TMEM163: variants seen among roughly 807,000 people sequenced by gnomAD.
TMEM163 encodes transmembrane protein 163.
In TMEM163, 17 loss-of-function variants were observed where a neutral mutation model predicts 29.3. That is an observed-to-expected ratio of 0.58 (90% CI 0.40 to 0.87). TMEM163 has a LOEUF of 0.87. TMEM163 is among the 40% of genes least tolerant of loss of function. The pLI is 0.00. For synonymous variants in TMEM163, 157 were observed against 160.6 expected (o/e 0.98, Z 0.17); for missense variants, 303 against 381.5 (o/e 0.79, Z 1.71).
chr2:134,630,655 G>T (rs931797865), intron 2 of TMEM163, among the ~76,000 whole-genome samples: 1 of 152,158 alleles, frequency 6.6e-6, no homozygotes, highest in Non-Finnish European at 1.5e-5. Context: ...TTGCTGAGGG[G>T]CTGAACAGGG....
chr2:134,698,848 T>C (rs1277041159), intron 2 of TMEM163, among the ~76,000 whole-genome samples: 1 of 152,218 alleles, frequency 6.6e-6, no homozygotes, highest in Non-Finnish European at 1.5e-5. Flanking sequence ...ATGCACATCC[T>C]TAGGAATGTG....
rs972163148 is a variant in TMEM163, at chr2:134,460,007, G to A, written c.668-1834C>T. 5.9e-5 allele frequency among the ~76,000 whole-genome samples: 9 copies of A among 151,928 alleles called. No individual in the cohort carries two copies. The highest frequency in any genetic ancestry group is 1.3e-4 in the Non-Finnish European group (9 of 67,982). On this transcript the variant is annotated intron_variant, in intron 6 of 7. Coordinates refer to ENST00000281924, the MANE Select transcript of TMEM163 (RefSeq NM_030923.5). This position sits in a 1 kb window ranked among gnomAD's most constrained non-coding sequence, Gnocchi z 4.3. ...GTAGATGGGGCCACCAGCTGCAGAG[G>A]CCAAGATTCTAGGAGCCCATCTTCC...
intron 2 of TMEM163, among the ~76,000 whole-genome samples, chr2:134,618,025 G>A (rs1446985706): frequency 6.6e-6 from 1 of 151,940 alleles, no homozygotes; most frequent in African/African-American, 2.4e-5. Flanking sequence ...GATGTGGGAG[G>A]ATCACTTGAG....
chr2:134,465,229 TATACACACACAC>T (rs1224427882), intron 6 of TMEM163, among the ~76,000 whole-genome samples: 1 of 144,736 alleles, frequency 6.9e-6, no homozygotes, highest in Middle Eastern at 3.8e-3. Flanking sequence ...AATATATATA[TATACACACACAC>T]ATACACACAC....
chr2:134,579,280 G>C (rs1681635984), intron 2 of TMEM163, among the ~76,000 whole-genome samples: 1 of 152,194 alleles, frequency 6.6e-6, no homozygotes, highest in African/African-American at 2.4e-5. Flanking sequence ...GTGGGGCACA[G>C]AATTCTTTCA....
intron 2 of TMEM163, among the ~76,000 whole-genome samples, chr2:134,599,478 G>A (rs761760987): frequency 6.6e-6 from 1 of 152,036 alleles, no homozygotes; most frequent in South Asian, 2.1e-4. Flanking sequence ...AGGATACAAT[G>A]AGAAGATGGC....
chr2:134,546,824 TAA>T (rs1222760140), intron 4 of TMEM163, among the ~76,000 whole-genome samples: 1 of 151,430 alleles, frequency 6.6e-6, no homozygotes, highest in African/African-American at 2.4e-5. Context: ...AAAAAATAAA[TAA>T]AATAAATAAA....
In TMEM163 at chr2:134,509,840, C is replaced by T. The variant is rs548947747; in HGVS notation, c.459-6843G>A. On this transcript the variant is annotated intron_variant, in intron 4 of 7. Transcript: ENST00000281924. ...AGGAAGAAACGATGGCTCTGTAGTGCGACATCTAAGCTGGGTGTACAATGG... is the reference window on the plus strand; with the variant it reads ...AGGAAGAAACGATGGCTCTGTAGTGTGACATCTAAGCTGGGTGTACAATGG... Among the ~76,000 whole-genome samples, 179 of 152,278 alleles carry T rather than the reference C, an allele frequency of 1.2e-3. 1 individual carries two copies. Among genetic ancestry groups the T allele is most frequent in the African/African-American group, 4.2e-3 (173 of 41,560 alleles).
At chr2:134,489,224 T>C (rs911648297) in intron 5 of TMEM163, among the ~76,000 whole-genome samples, 3 of 152,184 alleles carry the variant, frequency 2.0e-5, no homozygotes, top group African/African-American at 7.2e-5. Flanking sequence ...TACATTTATA[T>C]GATGAACAAT....
intron 2 of TMEM163, among the ~76,000 whole-genome samples, chr2:134,639,526 G>C (rs896869336): frequency 6.6e-6 from 1 of 152,136 alleles, no homozygotes; most frequent in Admixed American, 6.5e-5. Flanking sequence ...ATCCCCAATG[G>C]TGTTTCTGCA....
intron 2 of TMEM163, among the ~76,000 whole-genome samples, chr2:134,608,688 C>T (rs1682418945): frequency 2.3e-5 from 2 of 87,942 alleles, no homozygotes; most frequent in Non-Finnish European, 4.9e-5. Flanking sequence ...ATGACAGACC[C>T]CGAGAACTGT....
At chr2:134,599,537 C>T (rs1318463733) in intron 2 of TMEM163, among the ~76,000 whole-genome samples, 1 of 152,096 alleles carries the variant, frequency 6.6e-6, no homozygotes, top group African/African-American at 2.4e-5. Flanking sequence ...CGTACACCCT[C>T]ATCTAGGACT....
chr2:134,505,748 G>A (rs534097633), intron 4 of TMEM163, among the ~76,000 whole-genome samples: 6 of 152,256 alleles, frequency 3.9e-5, no homozygotes, highest in African/African-American at 1.2e-4. Flanking sequence ...CTGCAGCCAC[G>A]CCTCCATCAC....
chr2:134,557,632 G>A (rs1370436972), intron 2 of TMEM163, among the ~76,000 whole-genome samples: 1 of 152,184 alleles, frequency 6.6e-6, no homozygotes, highest in Non-Finnish European at 1.5e-5. Flanking sequence ...TCTTTGATTA[G>A]CCTTTCACAG....
At chr2:134,639,581 G>C (rs1030081270) in intron 2 of TMEM163, among the ~76,000 whole-genome samples, 2 of 152,212 alleles carry the variant, frequency 1.3e-5, no homozygotes, top group African/African-American at 4.8e-5. Flanking sequence ...AAATGTCACT[G>C]ACACAGGCTG....
At chr2:134,648,528 TTCCCTACCTCCTG>T (rs1410654767) in intron 2 of TMEM163, among the ~76,000 whole-genome samples, 2 of 152,138 alleles carry the variant, frequency 1.3e-5, no homozygotes, top group African/African-American at 4.8e-5. Flanking sequence ...TGCCCAGAAT[TTCCCTACCTCCTG>T]TCCCTATCAC....
intron 2 of TMEM163, among the ~76,000 whole-genome samples, chr2:134,603,521 G>C (rs1682281959): frequency 6.6e-6 from 1 of 152,134 alleles, no homozygotes; most frequent in Admixed American, 6.6e-5. Flanking sequence ...ACCCACTACT[G>C]TGGCACCTTC....
intron 2 of TMEM163, among the ~76,000 whole-genome samples, chr2:134,664,861 G>T (rs975869837): frequency 1.1e-4 from 16 of 151,260 alleles, no homozygotes; most frequent in African/African-American, 2.2e-4. Flanking sequence ...AAATTGTTGG[G>T]TTTTTTTTTG....
At chr2:134,469,100 AAG>A (rs1686734580) in intron 5 of TMEM163, 1 of 152,168 alleles carries the variant, frequency 6.6e-6, no homozygotes, top group Non-Finnish European at 1.5e-5. Context: ...GCATTCTCGT[AAG>A]AGAGACACAG....
Sources: allele counts gnomAD v4.1 joint callset (sites outside exome capture counted in the v4.1 genomes callset), GRCh38; gene constraint gnomAD v4.1.1; non-coding constraint Gnocchi (gnomAD v3.1); transcripts MANE v1.5; gene names NCBI Gene and HGNC (gene_info 2026-07-23, HGNC 2026-07-21).